Variants in NFATC3 observed in about 807,000 individuals in gnomAD.
NFATC3 encodes nuclear factor of activated T cells 3, also known as nuclear factor of activated T-cells, cytoplasmic 3.
NFATC3 carries 46 observed loss-of-function variants against 98.6 expected under a neutral mutation model. The ratio of observed to expected loss-of-function variants is 0.47; its 90% CI spans 0.37 to 0.60. NFATC3 has a LOEUF of 0.60. Among genes scored for constraint, NFATC3 ranks in the 20% least tolerant of loss-of-function variants. The pLI, the probability that NFATC3 is intolerant of heterozygous loss-of-function variation, is 0.00. For synonymous variants in NFATC3, 512 were observed against 472.2 expected (o/e 1.08, Z -1.09); for missense variants, 1,256 against 1,295.5 (o/e 0.97, Z 0.47).
At chr16:68,106,412 C>G (rs1022690255) in intron 1 of NFATC3, among the ~76,000 whole-genome samples, 1 of 151,894 alleles carries the variant, frequency 6.6e-6, no homozygotes, top group Non-Finnish European at 1.5e-5. Flanking sequence ...CTGCCTCAGC[C>G]TCCCGACTAG....
intron 3 of NFATC3, among the ~76,000 whole-genome samples, chr16:68,135,579 T>A (rs2037358545): frequency 6.6e-6 from 1 of 152,140 alleles, no homozygotes; most frequent in Admixed American, 6.5e-5. Flanking sequence ...TACTTTTTAG[T>A]TCTTATCTAA....
intron 9 of NFATC3, chr16:68,199,711 T>G (rs375319578): frequency 4.0e-5 from 6 of 151,512 alleles, no homozygotes; most frequent in African/African-American, 1.5e-4. Flanking sequence ...CTCAGCCTCC[T>G]GAGTAGCTGG....
At chr16:68,221,207 A>G (rs763163584) in intron 9 of NFATC3, 1 of 1,614,126 alleles carries the variant, frequency 6.2e-7, no homozygotes, top group Non-Finnish European at 8.5e-7. Context: ...TTTGTTTACC[A>G]GTAATAATTT....
chr16:68,192,210 G>GT, intron 9 of NFATC3: 1 of 13,838 alleles, frequency 7.2e-5, no homozygotes, highest in South Asian at 2.8e-3. Context: ...TCCGTCTCGG[G>GT]AAAAAAAAAA....
chr16:68,222,632 C>T (rs965928829), intron 9 of NFATC3, among the ~76,000 whole-genome samples: 1 of 152,160 alleles, frequency 6.6e-6, no homozygotes, highest in Non-Finnish European at 1.5e-5. Context: ...ATACTCTGGT[C>T]CCCTTCCTAC....
At chr16:68,093,787 C>G (rs1382122298) in intron 1 of NFATC3, among the ~76,000 whole-genome samples, 1 of 152,136 alleles carries the variant, frequency 6.6e-6, no homozygotes, top group Non-Finnish European at 1.5e-5. Context: ...GTTTTCTGAC[C>G]TCAAATTTTG....
chr16:68,117,630 C>T (rs916002205), intron 1 of NFATC3, among the ~76,000 whole-genome samples: 1 of 152,204 alleles, frequency 6.6e-6, no homozygotes, highest in Non-Finnish European at 1.5e-5. Context: ...GCCTCAGCCT[C>T]TCAGGTAGCT....
chr16:68,108,752 G>T (rs2035796139), intron 1 of NFATC3, among the ~76,000 whole-genome samples: 1 of 152,108 alleles, frequency 6.6e-6, no homozygotes, highest in Admixed American at 6.5e-5. Context: ...CGATTTCCTT[G>T]AGCAGTGGTT....
chr16:68,122,817 A>G lies in NFATC3; in HGVS notation c.934A>G (p.Asn312Asp), dbSNP rs753886243. The G allele has an allele frequency of 1.2e-6, 2 of 1,614,088 alleles. No homozygotes were observed. Among genetic ancestry groups the G allele is most frequent in the East Asian group, 2.2e-5 (1 of 44,896 alleles). The change falls in exon 2 of 10, where the codon AAT (asparagine) becomes GAT (aspartate). Residue 312 changes from asparagine to aspartate, a missense_variant. Around this residue, in one of 3 missense-constraint regions of NFATC3, gnomAD observed 464 missense variants for 465.7 expected, o/e 1.00. Coordinates refer to ENST00000346183, the MANE Select transcript of NFATC3 (RefSeq NM_173165.3). Reference protein sequence around the residue: ...RGSVTEDTWLNASVHGGSGLG... With the variant: ...RGSVTEDTWLDASVHGGSGLG... ...AAGTGTGACAGAAGATACGTGGCTCAATGCTTCTGTCCATGGTGGGTCAGG... is the reference window on the plus strand; with the variant it reads ...AAGTGTGACAGAAGATACGTGGCTCGATGCTTCTGTCCATGGTGGGTCAGG...
intron 3 of NFATC3, chr16:68,138,634 T>A: frequency 7.8e-7 from 1 of 1,289,068 alleles, no homozygotes; most frequent in African/African-American, 1.5e-5. Context: ...GAAATTACTA[T>A]CAATCATCAC....
At chr16:68,141,497 C>T (rs1307884696) in intron 3 of NFATC3, among the ~76,000 whole-genome samples, 3 of 152,054 alleles carry the variant, frequency 2.0e-5, no homozygotes, top group Non-Finnish European at 2.9e-5. Flanking sequence ...TTTTTAATAA[C>T]GGCCATTCTG....
chr16:68,168,687 T>C (rs2039328052), intron 5 of NFATC3, among the ~76,000 whole-genome samples: 1 of 151,722 alleles, frequency 6.6e-6, no homozygotes, highest in Admixed American at 6.6e-5. Context: ...GGTTTCACCA[T>C]ATTCACCAGG....
In NFATC3 at chr16:68,226,899, A is replaced by C. The variant is rs1262988689; in HGVS notation, c.*428A>C. 1.5e-5 allele frequency: 1 copy of C among 68,636 alleles called. No homozygotes were observed. Among genetic ancestry groups the C allele is most frequent in the Non-Finnish European group, 3.7e-5 (1 of 27,244 alleles). 4.3% of individuals were successfully genotyped at this position (68,636 alleles called of 1,614,324 possible). On this transcript the variant is annotated 3_prime_UTR_variant, in exon 10 of 10. Coordinates refer to ENST00000346183, the MANE Select transcript of NFATC3 (RefSeq NM_173165.3). ...CTTTTGATAAGACCTTCTAGAAGCA[A>C]AAAAAAAAAAAAAAAAAAAAAAAAG... is the stretch of plus-strand genomic sequence containing the variant.
At chr16:68,180,891 A>G (rs1415027127) in intron 6 of NFATC3, among the ~76,000 whole-genome samples, 1 of 152,158 alleles carries the variant, frequency 6.6e-6, no homozygotes, top group Non-Finnish European at 1.5e-5. Flanking sequence ...CATTTTCTTA[A>G]TCCAGTCTAT....
chr16:68,224,930 G>T (rs2041992194), intron 9 of NFATC3: 1 of 151,980 alleles, frequency 6.6e-6, no homozygotes, highest in Non-Finnish European at 1.5e-5. Flanking sequence ...ACTATTACTA[G>T]TATCTATTTT....
chr16:68,192,487 A>G (rs2040487997), intron 9 of NFATC3, among the ~76,000 whole-genome samples: 1 of 151,882 alleles, frequency 6.6e-6, no homozygotes, highest in East Asian at 1.9e-4. Flanking sequence ...ATTCAAGGCC[A>G]TTAGTTCCAT....
intron 4 of NFATC3, among the ~76,000 whole-genome samples, chr16:68,164,002 C>T (rs1428867328): frequency 6.6e-6 from 1 of 151,914 alleles, no homozygotes; most frequent in African/African-American, 2.4e-5. Flanking sequence ...GACGGGGTGG[C>T]GGCCGGGCAG....
At chr16:68,133,432 A>G (rs910868162) in intron 3 of NFATC3, among the ~76,000 whole-genome samples, 6 of 152,238 alleles carry the variant, frequency 3.9e-5, no homozygotes, top group African/African-American at 1.4e-4. Context: ...TTACATGTCA[A>G]CTAAAAAGAG....
At chr16:68,099,850 C>T (rs2035247090) in intron 1 of NFATC3, among the ~76,000 whole-genome samples, 1 of 151,970 alleles carries the variant, frequency 6.6e-6, no homozygotes, top group Admixed American at 6.6e-5. Context: ...ACTAGGTTGC[C>T]AAGGCTGGAG....
Sources: allele counts gnomAD v4.1 joint callset (sites outside exome capture counted in the v4.1 genomes callset), GRCh38; gene constraint gnomAD v4.1.1; regional missense constraint gnomAD v4.1.1; transcripts MANE v1.5; gene names NCBI Gene and HGNC (gene_info 2026-07-23, HGNC 2026-07-21).